Variants in LAPTM4A observed in about 807,000 individuals in gnomAD.
LAPTM4A encodes lysosomal-associated transmembrane protein 4A.
A neutral mutation model predicts 29.9 loss-of-function variants in LAPTM4A; 19 were observed. That is an observed-to-expected ratio of 0.64 (90% CI 0.44 to 0.93). LAPTM4A has a LOEUF of 0.93. Ranked by LOEUF, LAPTM4A falls within the 40% of genes least tolerant of loss-of-function variation. The pLI is 0.00. For synonymous variants in LAPTM4A, 105 were observed against 102.1 expected (o/e 1.03, Z -0.17); for missense variants, 293 against 288.5 (o/e 1.02, Z -0.11).
intron 1 of LAPTM4A, among the ~76,000 whole-genome samples, chr2:20,049,845 G>T (rs1674013817): frequency 6.6e-6 from 1 of 152,120 alleles, no homozygotes; most frequent in Non-Finnish European, 1.5e-5. Context: ...TTGAGTAATA[G>T]CCTTGAGGAT....
In LAPTM4A at chr2:20,032,940, C is replaced by T; in HGVS notation, c.*265G>A. 2.3e-6 allele frequency: 1 copy of T among 436,352 alleles called. No homozygotes were observed. Among genetic ancestry groups the T allele is most frequent in the East Asian group, 3.6e-5 (1 of 28,090 alleles). 27.0% of individuals were successfully genotyped at this position (436,352 alleles called of 1,614,324 possible). A position where few individuals can be genotyped will look rare whatever the true frequency, so the allele number is the denominator to read the frequency against. ...GCAAGTACCCTCTTTCCCTTCCCAC[C>T]CCCCAATTAAAGGCAAACAATGGCA... On this transcript the variant is annotated 3_prime_UTR_variant, in exon 7 of 7. Coordinates refer to ENST00000175091, the MANE Select transcript of LAPTM4A (RefSeq NM_014713.5).
intron 1 of LAPTM4A, among the ~76,000 whole-genome samples, chr2:20,050,287 T>G (rs1485440368): frequency 6.6e-6 from 1 of 152,236 alleles, no homozygotes; most frequent in Non-Finnish European, 1.5e-5. Context: ...ATCTGGCGTT[T>G]GTCCAAATGC....
At chr2:20,049,448 G>C (rs527419196) in intron 1 of LAPTM4A, among the ~76,000 whole-genome samples, 63 of 152,160 alleles carry the variant, frequency 4.1e-4, no homozygotes, top group Non-Finnish European at 7.6e-4. Flanking sequence ...CACAACAAGG[G>C]CTTAAAGTAG....
intron 1 of LAPTM4A, among the ~76,000 whole-genome samples, chr2:20,049,207 A>C (rs1377795635): frequency 2.0e-5 from 3 of 152,212 alleles, no homozygotes; most frequent in Non-Finnish European, 4.4e-5. Flanking sequence ...AACAAGGCAA[A>C]TGACACATGG....
At chr2:20,041,859 G>A (rs182779686) in intron 1 of LAPTM4A, among the ~76,000 whole-genome samples, 107 of 152,238 alleles carry the variant, frequency 7.0e-4, no homozygotes, top group African/African-American at 2.5e-3. Context: ...TTGAGATAAT[G>A]TGCTCTCCCT....
At chr2:20,048,543 G>A (rs1317201204) in intron 1 of LAPTM4A, among the ~76,000 whole-genome samples, 1 of 152,204 alleles carries the variant, frequency 6.6e-6, no homozygotes, top group African/African-American at 2.4e-5. Context: ...ACCAGTAGAA[G>A]CCGTGGCTAG....
rs1558386912 is a variant in LAPTM4A at position 20,046,362 on chromosome 2, GT to G, written c.111+5047del. 2.0e-5 allele frequency among the ~76,000 whole-genome samples: 3 copies of G among 151,982 alleles called. 1 individual carries two copies. The South Asian group carries it at 6.2e-4, about 32-fold the overall frequency. On this transcript the variant is annotated intron_variant, in intron 1 of 6. Coordinates refer to ENST00000175091, the MANE Select transcript of LAPTM4A (RefSeq NM_014713.5). ...TTACAGTATAATTTAAAAAAAAAAA[GT>G]TTTTTGTTGTTGTTTACTGTTACAT...
At chr2:20,043,089 T>TC (rs1673837576) in intron 1 of LAPTM4A, among the ~76,000 whole-genome samples, 1 of 150,868 alleles carries the variant, frequency 6.6e-6, no homozygotes, top group Non-Finnish European at 1.5e-5. Flanking sequence ...TTTTTTTTTT[T>TC]TGAGACCAAG....
chr2:20,042,116 C>T (rs1673813048), intron 1 of LAPTM4A, among the ~76,000 whole-genome samples: 1 of 152,158 alleles, frequency 6.6e-6, no homozygotes, highest in Non-Finnish European at 1.5e-5. Flanking sequence ...TTAATGCAAC[C>T]TGAAGTTGTA....
At chr2:20,050,782 G>A (rs754586836) in intron 1 of LAPTM4A, among the ~76,000 whole-genome samples, 1 of 152,196 alleles carries the variant, frequency 6.6e-6, no homozygotes, top group Admixed American at 6.5e-5. Context: ...CACCTACTGC[G>A]CAGGGAGGAG....
At chr2:20,041,831 C>T (rs542653810) in intron 1 of LAPTM4A, among the ~76,000 whole-genome samples, 6 of 152,298 alleles carry the variant, frequency 3.9e-5, no homozygotes, top group Admixed American at 2.0e-4. Flanking sequence ...CCACCACGCC[C>T]GGCCTTAAAT....
At chr2:20,034,938 C>A in intron 5 of LAPTM4A, 29 bp downstream of exon 5, 1 of 1,493,452 alleles carries the variant, frequency 6.7e-7, no homozygotes, top group South Asian at 1.2e-5. Context: ...CAATCTCAGT[C>A]ACCCCTAAAG....
intron 5 of LAPTM4A, 22 bp downstream of exon 5, chr2:20,034,945 A>C (rs367951142): frequency 1.9e-6 from 3 of 1,553,166 alleles, no homozygotes; most frequent in Admixed American, 3.4e-5. Flanking sequence ...AGTCACCCCT[A>C]AAGATTTAGT....
chr2:20,039,467 C>T (rs1027839694), intron 2 of LAPTM4A, among the ~76,000 whole-genome samples: 1 of 152,190 alleles, frequency 6.6e-6, no homozygotes, highest in African/African-American at 2.4e-5. Context: ...CAAGAGTCTG[C>T]TATGGGCTGG....
intron 1 of LAPTM4A, among the ~76,000 whole-genome samples, chr2:20,046,794 T>TAAATATAATATAATATATA (rs1558387065): frequency 1.5e-4 from 22 of 145,264 alleles, no homozygotes; most frequent in Non-Finnish European, 2.6e-4. Context: ...ATATATAATA[T>TAAATATAATATAATATATA]AATATATATT....
At chr2:20,038,185 T>C (rs192214944) in intron 2 of LAPTM4A, among the ~76,000 whole-genome samples, 3 of 152,280 alleles carry the variant, frequency 2.0e-5, no homozygotes, top group East Asian at 1.9e-4. Flanking sequence ...TTAACCTCAC[T>C]TCCCCACCCA....
chr2:20,051,439 C>T lies in LAPTM4A; in HGVS notation c.82G>A (p.Gly28Arg), dbSNP rs1399982857. 1.2e-6 allele frequency: 2 copies of T among 1,613,182 alleles called. No individual in the cohort carries two copies. Among genetic ancestry groups the T allele is most frequent in the East Asian group, 2.2e-5 (1 of 44,834 alleles). Residue 28 changes from glycine to arginine, a missense_variant, in exon 1 of 7, where the codon GGG becomes AGG. Transcript: ENST00000175091. ...TACCAGGTCCCCAGGATGATCGTCC[C>T]GGTGCGGACATGGCAACAGCCGCAG... is the stretch of plus-strand genomic sequence containing the variant. Reference protein sequence around the residue: ...RCCGCCHVRTGTIILGTWYMV... With the variant: ...RCCGCCHVRTRTIILGTWYMV...
At chr2:20,046,704 T>G (rs1001463465) in intron 1 of LAPTM4A, among the ~76,000 whole-genome samples, 2 of 143,688 alleles carry the variant, frequency 1.4e-5, no homozygotes, top group East Asian at 4.2e-4. Context: ...TTTTTATATG[T>G]TTTATATATA....
At chr2:20,043,211 CTTTTTTTTTTT>C (rs768927745) in intron 1 of LAPTM4A, among the ~76,000 whole-genome samples, 4 of 78,286 alleles carry the variant, frequency 5.1e-5, no homozygotes, top group African/African-American at 1.4e-4. Context: ...TAGCTGGGAC[CTTTTTTTTTTT>C]TTTTTTTTTT....
Sources: allele counts gnomAD v4.1 joint callset (sites outside exome capture counted in the v4.1 genomes callset), GRCh38; gene constraint gnomAD v4.1.1; transcripts MANE v1.5; gene names NCBI Gene and HGNC (gene_info 2026-07-23, HGNC 2026-07-21).